The following FBLN1 variants were observed in gnomAD, a reference collection of about 807,000 sequenced individuals.
The protein encoded by FBLN1 is fibulin-1.
In FBLN1, 34 loss-of-function variants were observed where a neutral mutation model predicts 89.7. That is an observed-to-expected ratio of 0.38 (90% confidence interval 0.29 to 0.50). The LOEUF (loss-of-function observed/expected upper bound fraction) is 0.50. FBLN1 is among the 20% of genes least tolerant of loss of function. The probability of loss-of-function intolerance (pLI) is 0.92; values close to 1 mark genes in which losing one functional copy is unlikely to be tolerated. For synonymous variants in FBLN1, 393 were observed against 391.3 expected (o/e 1.00, Z -0.05); for missense variants, 777 against 988.1 (o/e 0.79, Z 2.86).
chr22:45,550,939 C>T lies in FBLN1; in HGVS notation c.1697+324C>T. 2.3e-6 allele frequency: 1 copy of T among 431,432 alleles called. No homozygotes were observed. Among genetic ancestry groups the T allele is most frequent in the Non-Finnish European group, 4.3e-6 (1 of 230,334 alleles). 26.7% of individuals were successfully genotyped at this position (431,432 alleles called of 1,614,324 possible). ...GGCAAGCTCTCTGGGCCTCAGTTTCCTCATCTGTAACATGCAGATGTCAGA... is the reference window on the plus strand; with the variant it reads ...GGCAAGCTCTCTGGGCCTCAGTTTCTTCATCTGTAACATGCAGATGTCAGA... On this transcript the variant is annotated intron_variant, in intron 14 of 16. Coordinates refer to ENST00000327858, the MANE Select transcript of FBLN1 (RefSeq NM_006486.3). The surrounding 1 kb of genome is among the most constrained non-coding windows in gnomAD (Gnocchi z 8.4).
At chr22:45,518,185 C>T (rs1168958245) in intron 1 of FBLN1, among the ~76,000 whole-genome samples, 1 of 151,468 alleles carries the variant, frequency 6.6e-6, no homozygotes, top group Non-Finnish European at 1.5e-5. Context: ...CTTGACTCAG[C>T]TCGTTGCATT....
At chr22:45,535,531 A>G (rs552692614) in intron 8 of FBLN1, 194 bp downstream of exon 8, 1 of 645,368 alleles carries the variant, frequency 1.5e-6, no homozygotes, top group Non-Finnish European at 2.7e-6. Context: ...CTGTCATAAT[A>G]GTCAACTCTG....
chr22:45,526,784 G>A (rs961508110), intron 3 of FBLN1, among the ~76,000 whole-genome samples: 2 of 152,172 alleles, frequency 1.3e-5, no homozygotes, highest in African/African-American at 4.8e-5. Flanking sequence ...TGATGGTGGG[G>A]GTGCCTGGGA....
At position 45,572,874 on chromosome 22, in the gene FBLN1, A is replaced by G. The variant is rs1001822087; in HGVS notation, c.1698-1637A>G. On this transcript the variant is annotated intron_variant, in intron 14 of 16. Transcript: ENST00000327858. The surrounding 1 kb of genome is among the most constrained non-coding windows in gnomAD (Gnocchi z 5.8). ...CGTGAGGATGCAATCAGCAAAGTCC[A>G]GCCTGTAGGAAACACAACAGCTCAA... 6.6e-6 allele frequency among the ~76,000 whole-genome samples: 1 copy of G among 152,268 alleles called. No homozygotes were observed. Among genetic ancestry groups the G allele is most frequent in the African/African-American group, 2.4e-5 (1 of 41,480 alleles).
intron 1 of FBLN1, among the ~76,000 whole-genome samples, chr22:45,507,621 G>A (rs919079851): frequency 6.6e-6 from 1 of 151,476 alleles, no homozygotes; most frequent in South Asian, 2.1e-4. Flanking sequence ...TCCACCTCCT[G>A]TATTCAAACC....
intron 2 of FBLN1, among the ~76,000 whole-genome samples, chr22:45,521,514 C>T (rs867344747): frequency 6.6e-6 from 1 of 152,242 alleles, no homozygotes; most frequent in Non-Finnish European, 1.5e-5. Context: ...TGCCCTGTGG[C>T]CCCAGGTGCT....
rs772492888 is a variant in FBLN1 at position 45,533,090 on chromosome 22, G to A, written c.572G>A (p.Arg191Gln). ...RGGGPCKQQC[R>Q]DTGDEVVCSC... Reference sequence around the variant, plus strand: ...GGCGGGCCCTGCAAGCAGCAGTGCCGAGACACGGGTGACGAGGTGGTCTGC... The same window carrying A: ...GGCGGGCCCTGCAAGCAGCAGTGCCAAGACACGGGTGACGAGGTGGTCTGC... The change falls in exon 6 of 17, where the codon CGA (arginine) becomes CAA (glutamine). Residue 191 changes from arginine (R) to glutamine (Q), a missense_variant. Arg to Gln is a conservative substitution (Grantham distance 43). Coordinates refer to ENST00000327858, the MANE Select transcript of FBLN1 (RefSeq NM_006486.3). 30 of 1,614,084 alleles carry A rather than the reference G, an allele frequency of 1.9e-5. No individual in the cohort carries two copies. The highest frequency in any genetic ancestry group is 1.1e-4 in the African/African-American group (8 of 74,928).
chr22:45,502,955 GCCGCCGCCCACCGC>G lies in FBLN1; in HGVS notation c.-27_-14del. On this transcript the variant is annotated 5_prime_UTR_variant, in exon 1 of 17. Coordinates refer to ENST00000327858, the MANE Select transcript of FBLN1 (RefSeq NM_006486.3). ...CAGGACCGCGCCCGCGCCTTTGTCC[GCCGCCGCCCACCGC>G]CCGTCGCCCGCCGCCCATGGAGCGC... 9.6e-7 allele frequency: 1 copy of G among 1,040,770 alleles called. No individual in the cohort carries two copies. 64.5% of individuals were successfully genotyped at this position (1,040,770 alleles called of 1,614,324 possible). A position where few individuals can be genotyped will look rare whatever the true frequency, so the allele number is the denominator to read the frequency against.
chr22:45,599,563 G>A (rs2089213760), intron 16 of FBLN1, among the ~76,000 whole-genome samples: 1 of 152,108 alleles, frequency 6.6e-6, no homozygotes, highest in Non-Finnish European at 1.5e-5. Context: ...GTTGGAAGGA[G>A]GGAGAAAGAT....
At chr22:45,564,831 CTTA>C in intron 14 of FBLN1, 1 of 1,608,450 alleles carries the variant, frequency 6.2e-7, no homozygotes, top group Non-Finnish European at 8.5e-7. Flanking sequence ...CCAGCCCTGG[CTTA>C]TGTCACTAGC....
Position 45,541,225 on chromosome 22 carries a change from G to A in FBLN1, c.923-4G>A, listed in dbSNP as rs2088551160. The A allele has an allele frequency of 2.5e-6, 4 of 1,614,232 alleles. No homozygotes were observed. The highest frequency in any genetic ancestry group is 3.4e-6 in the Non-Finnish European group (4 of 1,180,052). Reference sequence around the variant, plus strand: ...CACATGGTCTCTGTCTTTTCCCGCTGTAGATATCAATGAGTGTTTGAGTAT... The same window carrying A: ...CACATGGTCTCTGTCTTTTCCCGCTATAGATATCAATGAGTGTTTGAGTAT... On this transcript the variant is annotated splice_region_variant and splice_polypyrimidine_tract_variant and intron_variant, in intron 8 of 16. Coordinates refer to ENST00000327858, the MANE Select transcript of FBLN1 (RefSeq NM_006486.3).
At position 45,536,746 on chromosome 22, in the gene FBLN1, CAG is replaced by C. The variant is rs1346469197; in HGVS notation, c.922+1412_922+1413del. The stretch of plus-strand genomic sequence containing the variant: ...CGCCACTGTACTCCAGCCTGGGTGA[CAG>C]AGTGAGACTCCATCTCAAAAAAGAA... On this transcript the variant is annotated intron_variant, in intron 8 of 16. Transcript: ENST00000327858. The surrounding 1 kb of genome is among the most constrained non-coding windows in gnomAD (Gnocchi z 5.1). 1.3e-5 allele frequency among the ~76,000 whole-genome samples: 2 copies of C among 150,678 alleles called. No individual in the cohort carries two copies. The highest frequency in any genetic ancestry group is 4.9e-5 in the African/African-American group (2 of 40,868).
Position 45,552,223 on chromosome 22 carries a change from G to C in FBLN1, c.1697+1608G>C, listed in dbSNP as rs544276426. ...GGGGACCCCACCTGGCTGGGCGTGA[G>C]GGTGGGCAGGGGGCTGTCTGGAGTG... On this transcript the variant is annotated intron_variant, in intron 14 of 16. Transcript: ENST00000327858. 2.4e-3 allele frequency among the ~76,000 whole-genome samples: 366 copies of C among 152,392 alleles called. 3 individuals carry two copies. The highest frequency in any genetic ancestry group is 8.6e-3 in the African/African-American group (357 of 41,598).
chr22:45,579,206 C>T lies in FBLN1; in HGVS notation c.1972+2098C>T, dbSNP rs1163938753. Among the ~76,000 whole-genome samples the T allele has an allele frequency of 2.0e-5, 3 of 152,250 alleles. No individual in the cohort carries two copies. The highest frequency in any genetic ancestry group is 7.2e-5 in the African/African-American group (3 of 41,470). On this transcript the variant is annotated intron_variant, in intron 16 of 16. Transcript: ENST00000327858. This position sits in a 1 kb window ranked among gnomAD's most constrained non-coding sequence, Gnocchi z 5.5. ...CAACCTGGGAGTGTCTGTTTCTCAG[C>T]TTCCCATCCACTGGGGCAGAAAATC... is the stretch of plus-strand genomic sequence containing the variant.
chr22:45,514,373 C>T (rs1775887784), intron 1 of FBLN1, among the ~76,000 whole-genome samples: 3 of 152,200 alleles, frequency 2.0e-5, no homozygotes, highest in Admixed American at 2.0e-4. Context: ...CTCCCTGAAG[C>T]TCAGTTTTCC....
rs1842866967 is a variant in FBLN1, at chr22:45,536,442, G to A, written c.922+1105G>A. 6.7e-6 allele frequency among the ~76,000 whole-genome samples: 1 copy of A among 150,324 alleles called. No homozygotes were observed. Among genetic ancestry groups the A allele is most frequent in the Admixed American group, 6.6e-5 (1 of 15,232 alleles). On this transcript the variant is annotated intron_variant, in intron 8 of 16. Transcript: ENST00000327858. This position sits in a 1 kb window ranked among gnomAD's most constrained non-coding sequence, Gnocchi z 5.1. ...GCAGATTTTGTGTTACATAAAATTT[G>A]TAGTTCACATGTAGTTCACCACAAT... is the stretch of plus-strand genomic sequence containing the variant.
At chr22:45,559,283 G>A (rs766097501) in intron 14 of FBLN1, among the ~76,000 whole-genome samples, 7 of 152,182 alleles carry the variant, frequency 4.6e-5, no homozygotes, top group South Asian at 4.1e-4. Flanking sequence ...ACGATAATCC[G>A]CTGCCGTTCA....
intron 2 of FBLN1, among the ~76,000 whole-genome samples, chr22:45,525,184 AGAGAG>A (rs2088307219): frequency 1.6e-5 from 1 of 63,786 alleles, no homozygotes; most frequent in African/African-American, 8.7e-5. Context: ...GGAGAAAGAG[AGAGAG>A]AGAGAGAAAG....
rs558568238 is a variant in FBLN1, at chr22:45,556,470, T to G, written c.1697+5855T>G. Among the ~76,000 whole-genome samples, 4 of 151,290 alleles carry G rather than the reference T, an allele frequency of 2.6e-5. No homozygotes were observed. The highest frequency in any genetic ancestry group is 2.1e-4 in the South Asian group (1 of 4,758). The stretch of plus-strand genomic sequence containing the variant: ...TTGTTTTTTTTTTTTCCTGGTGGAG[T>G]GACCCAAACCTTCATTCCTGAAGGG... On this transcript the variant is annotated intron_variant, in intron 14 of 16. Transcript: ENST00000327858. This position sits in a 1 kb window ranked among gnomAD's most constrained non-coding sequence, Gnocchi z 4.6.
Sources: gnomAD v4.1 joint callset for allele counts (sites outside exome capture counted in the v4.1 genomes callset) on GRCh38, gnomAD v4.1.1 for gene constraint, Gnocchi (gnomAD v3.1) non-coding constraint, MANE v1.5 for transcripts, NCBI Gene and HGNC (gene_info 2026-07-23, HGNC 2026-07-21) for gene names.